The following MTSS1 variants were observed in gnomAD, a reference collection of about 807,000 sequenced individuals.
MTSS1 encodes the protein protein MTSS 1.
In MTSS1, 18 loss-of-function variants were observed where a neutral mutation model predicts 79.0. That is an observed-to-expected ratio of 0.23 (90% CI 0.16 to 0.34). MTSS1 has a LOEUF of 0.34. MTSS1 is among the 10% of genes least tolerant of loss of function. The pLI is 1.00. For missense variants in MTSS1, 815 were observed against 986.2 expected (o/e 0.83, Z 2.33); for synonymous variants, 341 against 368.6 (o/e 0.93, Z 0.86).
At chr8:124,700,226 T>C (rs1829517939) in intron 2 of MTSS1, among the ~76,000 whole-genome samples, 1 of 151,472 alleles carries the variant, frequency 6.6e-6, no homozygotes, top group African/African-American at 2.4e-5. Flanking sequence ...AAAGGAAAAA[T>C]AAAACATTAA....
rs747793159 is a variant in MTSS1 at position 124,585,121 on chromosome 8, C to T, written c.426G>A (p.Ser142=). 1.4e-5 allele frequency: 23 copies of T among 1,613,498 alleles called. No individual in the cohort carries two copies. The highest frequency in any genetic ancestry group is 5.5e-5 in the South Asian group (5 of 90,992). The change falls in exon 6 of 14, where the codon TCG becomes TCA. Residue 142 remains serine (S), a synonymous_variant. Transcript: ENST00000518547. Reference sequence around the variant, plus strand: ...CTTTCTTCTGCAGTTTCAGCGTATCCGAGGACTTCTTTTTTATCTCTTGGC... The same window carrying T: ...CTTTCTTCTGCAGTTTCAGCGTATCTGAGGACTTCTTTTTTATCTCTTGGC... ...KARQEIKKKS[S]DTLKLQKKAK...
intron 1 of MTSS1, among the ~76,000 whole-genome samples, chr8:124,718,025 G>A (rs189593013): frequency 1.9e-4 from 29 of 152,328 alleles, no homozygotes; most frequent in Admixed American, 9.2e-4. Flanking sequence ...AGGCAAGGAC[G>A]CCAGGCCGCT....
At chr8:124,698,708 C>T (rs1297480999) in intron 3 of MTSS1, among the ~76,000 whole-genome samples, 6 of 151,970 alleles carry the variant, frequency 3.9e-5, no homozygotes, top group Admixed American at 3.3e-4. Context: ...CATGGGGTTT[C>T]GCCATGTTGG....
intron 3 of MTSS1, among the ~76,000 whole-genome samples, chr8:124,689,425 G>T (rs1439865663): frequency 6.6e-6 from 1 of 151,518 alleles, no homozygotes; most frequent in Non-Finnish European, 1.5e-5. Context: ...TATGGCAAAT[G>T]ATTCTTCACA....
At chr8:124,661,883 T>C (rs1452831678) in intron 3 of MTSS1, among the ~76,000 whole-genome samples, 1 of 152,202 alleles carries the variant, frequency 6.6e-6, no homozygotes, top group East Asian at 1.9e-4. Flanking sequence ...GACTATGATA[T>C]TTGTAAAGTA....
chr8:124,587,796 C>T (rs984563333), intron 5 of MTSS1, among the ~76,000 whole-genome samples: 11 of 152,316 alleles, frequency 7.2e-5, no homozygotes, highest in East Asian at 1.9e-4. Flanking sequence ...TGAGCCACCA[C>T]GCCTGGCCTA....
chr8:124,726,955 T>C (rs1833789207), intron 1 of MTSS1, among the ~76,000 whole-genome samples: 1 of 152,226 alleles, frequency 6.6e-6, no homozygotes. Context: ...CGGCTGGTTT[T>C]ATTTCCTCTG....
At chr8:124,655,098 C>A (rs1414592282) in intron 3 of MTSS1, among the ~76,000 whole-genome samples, 1 of 152,210 alleles carries the variant, frequency 6.6e-6, no homozygotes, top group East Asian at 1.9e-4. Context: ...GAGCAGAACA[C>A]GGATTGGAAA....
intron 3 of MTSS1, among the ~76,000 whole-genome samples, chr8:124,674,437 C>G (rs1824893762): frequency 6.6e-6 from 1 of 152,184 alleles, no homozygotes; most frequent in African/African-American, 2.4e-5. Context: ...TGGTCCGCCT[C>G]CTGGTGCAAG....
chr8:124,602,728 G>C (rs1834149602), intron 3 of MTSS1, among the ~76,000 whole-genome samples: 1 of 152,152 alleles, frequency 6.6e-6, no homozygotes, highest in South Asian at 2.1e-4. Context: ...ATCAGCCTGG[G>C]GGTCTATAAG....
intron 1 of MTSS1, among the ~76,000 whole-genome samples, chr8:124,719,957 G>C (rs947497747): frequency 6.6e-6 from 1 of 152,178 alleles, no homozygotes; most frequent in African/African-American, 2.4e-5. Context: ...CAGAGCAATA[G>C]AGCTAGGAAA....
At chr8:124,629,572 T>C (rs1815484329) in intron 3 of MTSS1, among the ~76,000 whole-genome samples, 1 of 149,458 alleles carries the variant, frequency 6.7e-6, no homozygotes, top group Admixed American at 6.6e-5. Context: ...TACTTAGCTA[T>C]AGCGGTACCT....
At chr8:124,691,467 T>C (rs765321757) in intron 3 of MTSS1, among the ~76,000 whole-genome samples, 2 of 152,224 alleles carry the variant, frequency 1.3e-5, no homozygotes, top group South Asian at 2.1e-4. Flanking sequence ...CATACGTACA[T>C]ACATGTACAC....
rs547516968 is a variant in MTSS1, at chr8:124,634,890, T to C, written c.209-43655A>G. 9.2e-5 allele frequency among the ~76,000 whole-genome samples: 14 copies of C among 152,326 alleles called. No homozygotes were observed. The South Asian group carries it at 2.3e-3, about 25-fold the overall frequency. On this transcript the variant is annotated intron_variant, in intron 3 of 13. Transcript: ENST00000518547. The stretch of plus-strand genomic sequence containing the variant: ...GGATCCCAAGCAATTCCCATGCACA[T>C]TGGAGTTTGGGAAGTGCCGTTCTAT...
At chr8:124,612,970 A>G (rs1836157121) in intron 3 of MTSS1, among the ~76,000 whole-genome samples, 1 of 152,192 alleles carries the variant, frequency 6.6e-6, no homozygotes, top group Non-Finnish European at 1.5e-5. Flanking sequence ...AAAGCAGAGC[A>G]CGGTGCTATG....
intron 1 of MTSS1, among the ~76,000 whole-genome samples, chr8:124,716,694 C>A (rs943305128): frequency 6.6e-6 from 1 of 152,154 alleles, no homozygotes; most frequent in African/African-American, 2.4e-5. Flanking sequence ...TTACACACAG[C>A]AAGATTTGAG....
intron 1 of MTSS1, among the ~76,000 whole-genome samples, chr8:124,710,686 CTGTG>C (rs35807740): frequency 0.19 from 28,256 of 152,080 alleles, 2,774 homozygotes; most frequent in Non-Finnish European, 0.22. Context: ...CAGAGAATAA[CTGTG>C]TGTAGCTCAT....
intron 3 of MTSS1, among the ~76,000 whole-genome samples, chr8:124,649,137 T>G (rs764781958): frequency 2.0e-5 from 3 of 152,272 alleles, no homozygotes; most frequent in Non-Finnish European, 4.4e-5. Context: ...TCCGGCCCAC[T>G]GCCTGTTTCT....
At chr8:124,666,685 T>C (rs575198554) in intron 3 of MTSS1, among the ~76,000 whole-genome samples, 2 of 152,064 alleles carry the variant, frequency 1.3e-5, no homozygotes, top group South Asian at 4.2e-4. Context: ...GCCCCTGTGA[T>C]AGGGTGTTGG....
Sources: allele counts gnomAD v4.1 joint callset (sites outside exome capture counted in the v4.1 genomes callset), GRCh38; gene constraint gnomAD v4.1.1; transcripts MANE v1.5; gene names NCBI Gene and HGNC (gene_info 2026-07-23, HGNC 2026-07-21).